Variants in FGF9 observed in about 807,000 individuals in gnomAD.
The protein encoded by FGF9 is fibroblast growth factor 9 (glia-activating factor).
FGF9 carries 3 observed loss-of-function variants against 19.9 expected under a neutral mutation model. The observed-to-expected ratio is 0.15, with a 90% CI of 0.07 to 0.39. The LOEUF is 0.39. Among genes scored for constraint, FGF9 ranks in the 10% least tolerant of loss-of-function variants. The pLI is 1.00. For missense variants in FGF9, 175 were observed against 256.8 expected, an observed-to-expected ratio of 0.68 and a Z score of 2.18; for synonymous variants, 107 against 106.9, an observed-to-expected ratio of 1.00 and a Z score of -0.01.
intron 2 of FGF9, among the ~76,000 whole-genome samples, chr13:21,681,824 C>A (rs1027552940): frequency 2.0e-5 from 3 of 152,090 alleles, no homozygotes; most frequent in Non-Finnish European, 4.4e-5. Context: ...GACTAACTTT[C>A]CATCATGGTA....
At chr13:21,696,737 A>T (rs1208677382) in intron 2 of FGF9, among the ~76,000 whole-genome samples, 3 of 152,230 alleles carry the variant, frequency 2.0e-5, no homozygotes, top group African/African-American at 7.2e-5. Context: ...TGGAGTAGAA[A>T]TACATAACAT....
In FGF9 at chr13:21,701,273, C is replaced by G. The variant is rs143118647; in HGVS notation, c.465C>G (p.His155Gln). ...CGTACTCATCAAACCTATATAAGCACGTGGACACTGGAAGGCGATACTATG... is the reference window on the plus strand; with the variant it reads ...CGTACTCATCAAACCTATATAAGCAGGTGGACACTGGAAGGCGATACTATG... ...YNTYSSNLYK[H>Q]VDTGRRYYVA... Residue 155 changes from histidine (H) to glutamine (Q), a missense_variant, in exon 3 of 3, where the codon CAC becomes CAG. By Grantham distance (24) the His-to-Gln change is conservative. Around this residue, in one of 3 missense-constraint regions of FGF9, gnomAD observed 101 missense variants for 160.7 expected, o/e 0.63. Transcript: ENST00000382353. 5 of 1,613,586 alleles carry G rather than the reference C, an allele frequency of 3.1e-6. No individual in the cohort carries two copies. The East Asian group carries it at 1.1e-4, about 36-fold the overall frequency.
At position 21,701,289 on chromosome 13, in the gene FGF9, C is replaced by T; in HGVS notation, c.481C>T (p.Arg161Ter). The change falls in exon 3 of 3, where the codon CGA becomes TGA. Residue 161 changes from arginine to a stop codon, truncating the protein, a stop_gained. Transcript: ENST00000382353. LOFTEE classifies it high-confidence loss of function. ...ATATAAGCACGTGGACACTGGAAGG[C>T]GATACTATGTTGCATTAAATAAAGA... The part of the protein sequence containing the change: ...NLYKHVDTGR[R>*]YYVALNKDGT... 2 of 1,613,804 alleles carry T rather than the reference C, an allele frequency of 1.2e-6. No homozygotes were observed. The highest frequency in any genetic ancestry group is 1.7e-6 in the Non-Finnish European group (2 of 1,179,940).
chr13:21,685,984 C>T (rs1872147097), intron 2 of FGF9, among the ~76,000 whole-genome samples: 1 of 152,198 alleles, frequency 6.6e-6, no homozygotes, highest in Admixed American at 6.5e-5. Flanking sequence ...TTGTTCTTAT[C>T]AGAAAGTTTA....
chr13:21,679,519 T>G (rs1185886825), intron 1 of FGF9, among the ~76,000 whole-genome samples: 1 of 152,130 alleles, frequency 6.6e-6, no homozygotes, highest in Non-Finnish European at 1.5e-5. Context: ...TAAGTAAAAT[T>G]TTTAATATTT....
Position 21,704,306 on chromosome 13 carries a change from G to A in FGF9, c.*2871G>A, listed in dbSNP as rs1872605978. 6.6e-6 allele frequency: 1 copy of A among 152,222 alleles called. No individual in the cohort carries two copies. Among genetic ancestry groups the A allele is most frequent in the Non-Finnish European group, 1.5e-5 (1 of 68,044 alleles). 9.4% of individuals were successfully genotyped at this position (152,222 alleles called of 1,614,324 possible). A position where few individuals can be genotyped will look rare whatever the true frequency, so the allele number is the denominator to read the frequency against. ...CAAGCAGTGGTGAAGGACATGCTAG[G>A]TCAGTGTTGGGGAACCTGCCCTGCC... On this transcript the variant is annotated 3_prime_UTR_variant, in exon 3 of 3. Transcript: ENST00000382353.
At chr13:21,693,708 C>T (rs1872344103) in intron 2 of FGF9, among the ~76,000 whole-genome samples, 1 of 152,154 alleles carries the variant, frequency 6.6e-6, no homozygotes. Context: ...CGGCAGGCCC[C>T]AGAGTGCAAG....
chr13:21,697,392 C>G (rs993865997), intron 2 of FGF9, among the ~76,000 whole-genome samples: 4 of 152,130 alleles, frequency 2.6e-5, no homozygotes, highest in Admixed American at 2.6e-4. Flanking sequence ...AGTGATATTT[C>G]TGCTTGGGCC....
chr13:21,671,752 T>C lies in FGF9; in HGVS notation c.-161T>C. 1 of 793,310 alleles carries C rather than the reference T, an allele frequency of 1.3e-6. No homozygotes were observed. Among genetic ancestry groups the C allele is most frequent in the Non-Finnish European group, 2.0e-6 (1 of 488,348 alleles). 49.1% of individuals were successfully genotyped at this position (793,310 alleles called of 1,614,324 possible). A position where few individuals can be genotyped will look rare whatever the true frequency, so the allele number is the denominator to read the frequency against. On this transcript the variant is annotated 5_prime_UTR_variant, in exon 1 of 3. Transcript: ENST00000382353. Reference sequence around the variant, plus strand: ...CTGTGCCAGTGAAACAGCAGATTACTTTTATTTATGCATTTAATGGATTGA... The same window carrying C: ...CTGTGCCAGTGAAACAGCAGATTACCTTTATTTATGCATTTAATGGATTGA...
intron 2 of FGF9, among the ~76,000 whole-genome samples, chr13:21,699,483 C>T (rs1019206596): frequency 6.6e-6 from 1 of 152,130 alleles, no homozygotes; most frequent in Non-Finnish European, 1.5e-5. Context: ...CCCTCATGAC[C>T]TCTTGAGTGT....
At chr13:21,675,819 G>T (rs1871902033) in intron 1 of FGF9, among the ~76,000 whole-genome samples, 1 of 152,130 alleles carries the variant, frequency 6.6e-6, no homozygotes, top group African/African-American at 2.4e-5. Context: ...TGGCAAGCTT[G>T]GCAGTGACAC....
At chr13:21,686,103 G>A (rs1028842617) in intron 2 of FGF9, among the ~76,000 whole-genome samples, 33 of 152,206 alleles carry the variant, frequency 2.2e-4, no homozygotes, top group African/African-American at 8.0e-4. Flanking sequence ...CACCCAGGCT[G>A]GAGTATAGTG....
In FGF9 at chr13:21,701,479, A is replaced by C. The variant is rs761187227; in HGVS notation, c.*44A>C. On this transcript the variant is annotated 3_prime_UTR_variant, in exon 3 of 3. Transcript: ENST00000382353. ...TTGAGCCCTTAAAAAAGTAACCACT[A>C]TAAAGGTTTCACGCGGTGGGTTCTT... 6.2e-7 allele frequency: 1 copy of C among 1,613,548 alleles called. No homozygotes were observed. The highest frequency in any genetic ancestry group is 1.1e-5 in the South Asian group (1 of 90,978).
At chr13:21,700,801 C>T (rs894009462) in intron 2 of FGF9, among the ~76,000 whole-genome samples, 1 of 152,076 alleles carries the variant, frequency 6.6e-6, no homozygotes, top group Non-Finnish European at 1.5e-5. Flanking sequence ...AACTAGAAAA[C>T]GTTTAGACTC....
At chr13:21,690,720 C>T (rs1432246865) in intron 2 of FGF9, among the ~76,000 whole-genome samples, 1 of 152,194 alleles carries the variant, frequency 6.6e-6, no homozygotes, top group Non-Finnish European at 1.5e-5. Flanking sequence ...CACACGCTCC[C>T]AGCTGAGGTT....
At chr13:21,680,285 T>C (rs1872012363) in intron 1 of FGF9, among the ~76,000 whole-genome samples, 1 of 152,232 alleles carries the variant, frequency 6.6e-6, no homozygotes, top group Non-Finnish European at 1.5e-5. Context: ...ACCAATACTT[T>C]GTTTAAGCAA....
At chr13:21,674,761 C>G (rs1265824129) in intron 1 of FGF9, among the ~76,000 whole-genome samples, 2 of 150,700 alleles carry the variant, frequency 1.3e-5, no homozygotes, top group African/African-American at 2.4e-5. Flanking sequence ...CACATGCAGT[C>G]GAGTCATTAG....
chr13:21,679,289 A>G (rs553853465), intron 1 of FGF9, among the ~76,000 whole-genome samples: 2 of 152,348 alleles, frequency 1.3e-5, no homozygotes, highest in South Asian at 2.1e-4. Flanking sequence ...TTTAGAAGAA[A>G]TAGCTCTTCT....
chr13:21,699,884 A>G (rs1872498794), intron 2 of FGF9, among the ~76,000 whole-genome samples: 1 of 152,328 alleles, frequency 6.6e-6, no homozygotes, highest in Middle Eastern at 3.4e-3. Context: ...CACTAAAGAT[A>G]TCGATTTTAA....
Sources: gnomAD v4.1 joint callset for allele counts (sites outside exome capture counted in the v4.1 genomes callset) on GRCh38, gnomAD v4.1.1 for gene constraint, gnomAD v4.1.1 regional missense constraint, MANE v1.5 for transcripts, NCBI Gene and HGNC (gene_info 2026-07-23, HGNC 2026-07-21) for gene names.